Variants in GEMIN5 observed in about 807,000 individuals in gnomAD.
GEMIN5 encodes the protein gem-associated protein 5.
In GEMIN5, 124 loss-of-function variants were observed where a neutral mutation model predicts 176.9. The observed-to-expected ratio is 0.70, with a 90% confidence interval of 0.61 to 0.81. The LOEUF is 0.81. GEMIN5 is among the 40% of genes least tolerant of loss of function. GEMIN5 has a pLI of 0.00. For missense variants in GEMIN5, 1,843 were observed against 1,814.6 expected (o/e 1.02, Z -0.28); for synonymous variants, 673 against 665.2 (o/e 1.01, Z -0.18).
At chr5:154,904,444 A>T in intron 18 of GEMIN5, 63 bp downstream of exon 18, 1 of 1,381,350 alleles carries the variant, frequency 7.2e-7, no homozygotes, top group Non-Finnish European at 1.0e-6. Context: ...ATAAATAAGT[A>T]AACATCCCTT....
Position 154,892,562 on chromosome 5 carries a change from G to A in GEMIN5, c.3598-13C>T, listed in dbSNP as rs200933400. The A allele has an allele frequency of 2.5e-5, 41 of 1,612,038 alleles. No individual in the cohort carries two copies. In the Admixed American group the frequency reaches 5.0e-4, roughly 20 times the overall value. On this transcript the variant is annotated splice_polypyrimidine_tract_variant and intron_variant, in intron 24 of 27. Transcript: ENST00000285873. The stretch of plus-strand genomic sequence containing the variant: ...TGTGAAGCAGGAGCTGGAGAGAGAA[G>A]CCAGAGTCTGAGTTAAACATCCTCC...
chr5:154,916,443 A>G (rs1433077783), intron 13 of GEMIN5, among the ~76,000 whole-genome samples: 1 of 152,202 alleles, frequency 6.6e-6, no homozygotes, highest in Non-Finnish European at 1.5e-5. Context: ...TAGCAAGCCA[A>G]TAACACTGGT....
chr5:154,927,320 C>G, intron 7 of GEMIN5, 65 bp downstream of exon 7: 5 of 1,041,676 alleles, frequency 4.8e-6, no homozygotes, highest in South Asian at 1.5e-5. Flanking sequence ...TTGAAAAAGC[C>G]CTCTCATCCC....
intron 8 of GEMIN5, among the ~76,000 whole-genome samples, chr5:154,925,503 T>C (rs1764010553): frequency 6.6e-6 from 1 of 152,240 alleles, no homozygotes; most frequent in African/African-American, 2.4e-5. Context: ...TCATAAATCA[T>C]TTATATACCT....
intron 13 of GEMIN5, among the ~76,000 whole-genome samples, chr5:154,916,044 GTTTT>G (rs200100728): frequency 1.3e-5 from 2 of 149,180 alleles, no homozygotes; most frequent in Non-Finnish European, 3.0e-5. Context: ...ACAGGTAACT[GTTTT>G]TTTTTTAATT....
intron 6 of GEMIN5, among the ~76,000 whole-genome samples, chr5:154,927,754 G>A (rs1363090792): frequency 6.6e-6 from 1 of 152,172 alleles, no homozygotes; most frequent in Non-Finnish European, 1.5e-5. Flanking sequence ...CATTCTAGGA[G>A]GCCAAGGCAG....
intron 21 of GEMIN5, among the ~76,000 whole-genome samples, chr5:154,900,788 C>T (rs994063395): frequency 6.6e-6 from 1 of 152,142 alleles, no homozygotes; most frequent in East Asian, 1.9e-4. Flanking sequence ...TAACTGTAAG[C>T]TGAACAATTC....
At chr5:154,924,761 G>A (rs955567801) in intron 8 of GEMIN5, among the ~76,000 whole-genome samples, 6 of 152,038 alleles carry the variant, frequency 3.9e-5, no homozygotes, top group African/African-American at 7.2e-5. Context: ...AGGCAGAGGC[G>A]GGCGGATCAC....
chr5:154,929,180 T>C (rs1764107816), intron 5 of GEMIN5, among the ~76,000 whole-genome samples: 1 of 152,092 alleles, frequency 6.6e-6, no homozygotes, highest in Non-Finnish European at 1.5e-5. Flanking sequence ...GCTGAGATCG[T>C]GCCACTGCAC....
intron 15 of GEMIN5, among the ~76,000 whole-genome samples, chr5:154,908,171 CCTTTTTT>C: frequency 1.1e-5 from 1 of 88,698 alleles, no homozygotes; most frequent in East Asian, 7.5e-4. Context: ...ACCCAGATGT[CCTTTTTT>C]TTTTTTTTTT....
intron 13 of GEMIN5, among the ~76,000 whole-genome samples, chr5:154,916,458 G>A (rs1175354866): frequency 6.6e-6 from 1 of 152,008 alleles, no homozygotes; most frequent in Non-Finnish European, 1.5e-5. Flanking sequence ...ACTGGTTATT[G>A]AATGATGAAA....
chr5:154,928,941 T>G (rs1349108515), intron 5 of GEMIN5, among the ~76,000 whole-genome samples: 4 of 152,058 alleles, frequency 2.6e-5, no homozygotes, highest in African/African-American at 9.7e-5. Context: ...TTTTTTTTTT[T>G]GGCCGGGCGC....
At chr5:154,933,871 C>G (rs1019177040) in intron 3 of GEMIN5, among the ~76,000 whole-genome samples, 1 of 152,098 alleles carries the variant, frequency 6.6e-6, no homozygotes, top group African/African-American at 2.4e-5. Flanking sequence ...TCTGTTCATC[C>G]TCTCTATCAA....
At chr5:154,900,781 C>T (rs1006372283) in intron 21 of GEMIN5, among the ~76,000 whole-genome samples, 3 of 152,294 alleles carry the variant, frequency 2.0e-5, no homozygotes, top group Admixed American at 2.0e-4. Context: ...GACTAGGTAA[C>T]TGTAAGCTGA....
intron 5 of GEMIN5, among the ~76,000 whole-genome samples, chr5:154,930,230 T>C (rs1178635389): frequency 6.6e-6 from 1 of 152,196 alleles, no homozygotes; most frequent in African/African-American, 2.4e-5. Context: ...GTTTAGCCTG[T>C]GCGGTCTAAC....
intron 15 of GEMIN5, among the ~76,000 whole-genome samples, chr5:154,910,823 C>T (rs952557716): frequency 8.5e-5 from 13 of 152,162 alleles, no homozygotes; most frequent in African/African-American, 2.2e-4. Context: ...CTCAGCCTCC[C>T]GAGTAGCTGG....
chr5:154,909,800 G>A (rs143505996), intron 15 of GEMIN5, among the ~76,000 whole-genome samples: 173 of 152,200 alleles, frequency 1.1e-3, no homozygotes, highest in African/African-American at 3.7e-3. Context: ...CCAACATGGT[G>A]AATCCCTGTC....
At chr5:154,932,067 G>C in intron 4 of GEMIN5, 32 bp downstream of exon 4, 1 of 1,523,800 alleles carries the variant, frequency 6.6e-7, no homozygotes, top group Non-Finnish European at 9.0e-7. Flanking sequence ...CAGGTCTCAA[G>C]TGGACTTAAC....
chr5:154,892,742 CA>C, intron 24 of GEMIN5, 193 bp from the exon 25 acceptor site: 1 of 573,808 alleles, frequency 1.7e-6, no homozygotes, highest in Non-Finnish European at 3.1e-6. Flanking sequence ...CAGCAGCACA[CA>C]CACGTCCCGG....
Sources: gnomAD v4.1 joint callset for allele counts (sites outside exome capture counted in the v4.1 genomes callset) on GRCh38, gnomAD v4.1.1 for gene constraint, MANE v1.5 for transcripts, NCBI Gene and HGNC (gene_info 2026-07-23, HGNC 2026-07-21) for gene names.